SORCS2: variants seen among roughly 807,000 people sequenced by gnomAD.
SORCS2 encodes the protein VPS10 domain-containing receptor SorCS2.
A neutral mutation model predicts 141.6 loss-of-function variants in SORCS2; 100 were observed. That is an observed-to-expected ratio of 0.71 (90% CI 0.60 to 0.83). The LOEUF (loss-of-function observed/expected upper bound fraction) is 0.83. SORCS2 is among the 40% of genes least tolerant of loss of function. The probability of loss-of-function intolerance (pLI) is 0.00; values close to 1 mark genes in which losing one functional copy is unlikely to be tolerated. For synonymous variants in SORCS2, 789 were observed against 676.9 expected (o/e 1.17, Z -2.57); for missense variants, 1,646 against 1,560.2 (o/e 1.05, Z -0.93).
chr4:7,314,269 G>A (rs1421476435), intron 1 of SORCS2, among the ~76,000 whole-genome samples: 1 of 152,194 alleles, frequency 6.6e-6, no homozygotes, highest in Non-Finnish European at 1.5e-5. Context: ...GATGCGACAT[G>A]CAGGGCTCCG....
At chr4:7,724,877 ATGG>A (rs1454504612) in intron 19 of SORCS2, among the ~76,000 whole-genome samples, 1 of 93,322 alleles carries the variant, frequency 1.1e-5, no homozygotes, top group African/African-American at 4.8e-5. Context: ...GGTAGTGGTG[ATGG>A]TGGTGGTGTT....
Position 7,324,053 on chromosome 4 carries a change from C to T in SORCS2, c.481-72235C>T, listed in dbSNP as rs149367501. ...GGTCTCTCACAGGGATCTCCTGTTT[C>T]CCAGCCAGGGTCTTGCAGGCTTGGG... On this transcript the variant is annotated intron_variant, in intron 1 of 26. Coordinates refer to ENST00000507866, the MANE Select transcript of SORCS2 (RefSeq NM_020777.3). 2.2e-3 allele frequency among the ~76,000 whole-genome samples: 339 copies of T among 152,312 alleles called. 1 individual carries two copies. The highest frequency in any genetic ancestry group is 3.9e-3 in the South Asian group (19 of 4,824).
chr4:7,640,768 C>A (rs1018355172), intron 4 of SORCS2, among the ~76,000 whole-genome samples: 14 of 152,064 alleles, frequency 9.2e-5, no homozygotes, highest in Admixed American at 3.3e-4. Flanking sequence ...GTGTGGGCTC[C>A]ACAGTTGCAG....
rs1168972631 is a variant in SORCS2 at position 7,741,271 on chromosome 4, C to A, written c.*1007C>A. On this transcript the variant is annotated 3_prime_UTR_variant, in exon 27 of 27. Transcript: ENST00000507866. Reference sequence around the variant, plus strand: ...AGGGCTGGAAGGGCCATCAGCGTGACCCTCATTTTCAAGAAGGGGAAACTG... The same window carrying A: ...AGGGCTGGAAGGGCCATCAGCGTGAACCTCATTTTCAAGAAGGGGAAACTG... The A allele has an allele frequency of 1.0e-5, 4 of 398,784 alleles. No homozygotes were observed. The highest frequency in any genetic ancestry group is 1.8e-5 in the Non-Finnish European group (4 of 226,146). 24.7% of individuals were successfully genotyped at this position (398,784 alleles called of 1,614,324 possible). A position where few individuals can be genotyped will look rare whatever the true frequency, so the allele number is the denominator to read the frequency against.
At chr4:7,562,633 T>C (rs1560388433) in intron 3 of SORCS2, among the ~76,000 whole-genome samples, 1 of 152,330 alleles carries the variant, frequency 6.6e-6, no homozygotes, top group East Asian at 1.9e-4. Context: ...GCTGCCATAA[T>C]GAAGGACCAC....
chr4:7,415,762 G>A (rs1461101354), intron 2 of SORCS2, among the ~76,000 whole-genome samples: 3 of 152,232 alleles, frequency 2.0e-5, no homozygotes, highest in Non-Finnish European at 2.9e-5. Flanking sequence ...ATCGTTTCTC[G>A]ATAACCTAAT....
At chr4:7,419,704 G>A (rs57551858) in intron 2 of SORCS2, among the ~76,000 whole-genome samples, 75,581 of 151,626 alleles carry the variant, frequency 0.5, 19,121 homozygotes, top group Middle Eastern at 0.61. Context: ...TTGGCAAGCC[G>A]TCTCAGACAA....
At chr4:7,464,971 G>A (rs886882369) in intron 2 of SORCS2, among the ~76,000 whole-genome samples, 8 of 152,240 alleles carry the variant, frequency 5.3e-5, no homozygotes, top group Non-Finnish European at 1.0e-4. Context: ...CTGAGGCCAC[G>A]TGGTGTCCTG....
intron 1 of SORCS2, among the ~76,000 whole-genome samples, chr4:7,356,069 T>G (rs536305578): frequency 6.6e-6 from 1 of 152,364 alleles, no homozygotes; most frequent in Admixed American, 6.5e-5. Context: ...ACCAGCTGTT[T>G]GGAGCATTGT....
intron 2 of SORCS2, among the ~76,000 whole-genome samples, chr4:7,444,270 G>A (rs546265251): frequency 2.5e-4 from 38 of 152,292 alleles, no homozygotes; most frequent in African/African-American, 7.7e-4. Context: ...ATATTCTAGC[G>A]GAGGAAGCAG....
chr4:7,568,406 T>C (rs34861707), intron 3 of SORCS2, among the ~76,000 whole-genome samples: 43,671 of 152,098 alleles, frequency 0.29, 6,530 homozygotes, highest in African/African-American at 0.32. Flanking sequence ...AAAAGGAAAA[T>C]AGTGTTTTTC....
In SORCS2 at chr4:7,541,704, C is replaced by A. The variant is rs186497141; in HGVS notation, c.648+10075C>A. 7.2e-4 allele frequency among the ~76,000 whole-genome samples: 110 copies of A among 152,320 alleles called. 1 individual carries two copies. In the East Asian group the frequency reaches 0.018, roughly 25 times the overall value. Reference sequence around the variant, plus strand: ...CACCTTTTAAGCATCATGTTGCAGACCAGAGGCACAGCCAGGCTGAGAGGT... The same window carrying A: ...CACCTTTTAAGCATCATGTTGCAGAACAGAGGCACAGCCAGGCTGAGAGGT... On this transcript the variant is annotated intron_variant, in intron 3 of 26. Transcript: ENST00000507866.
intron 1 of SORCS2, among the ~76,000 whole-genome samples, chr4:7,244,997 A>T (rs897180023): frequency 2.6e-5 from 4 of 152,152 alleles, no homozygotes; most frequent in African/African-American, 9.7e-5. Flanking sequence ...GTAAGCCACC[A>T]TGGGAACCCA....
intron 1 of SORCS2, among the ~76,000 whole-genome samples, chr4:7,349,158 C>T (rs1320385900): frequency 4.6e-5 from 7 of 152,092 alleles, no homozygotes; most frequent in Non-Finnish European, 1.0e-4. Context: ...TTGGAGTGGG[C>T]GCTGTGTCTA....
chr4:7,473,303 G>A (rs1416973507), intron 2 of SORCS2, among the ~76,000 whole-genome samples: 1 of 152,136 alleles, frequency 6.6e-6, no homozygotes, highest in Non-Finnish European at 1.5e-5. Flanking sequence ...GGAGAGGAGA[G>A]GGAGATGGCG....
chr4:7,649,645 G>A (rs1387365876), intron 4 of SORCS2, among the ~76,000 whole-genome samples: 1 of 152,108 alleles, frequency 6.6e-6, no homozygotes, highest in African/African-American at 2.4e-5. Context: ...AAGGCCCTGG[G>A]CACTGGGCTT....
chr4:7,448,735 G>C, intron 2 of SORCS2, among the ~76,000 whole-genome samples: 1 of 59,140 alleles, frequency 1.7e-5, no homozygotes, highest in African/African-American at 7.4e-5. Context: ...CCTCCCTTCC[G>C]TACTTCCTCT....
In SORCS2 at chr4:7,676,089, G is replaced by C; in HGVS notation, c.1201G>C (p.Val401Leu). 1 of 1,589,842 alleles carries C rather than the reference G, an allele frequency of 6.3e-7. No individual in the cohort carries two copies. The highest frequency in any genetic ancestry group is 8.6e-7 in the Non-Finnish European group (1 of 1,167,022). ...IISTDESQVF[V>L]AVQEWYQMDT... ...CAGCACGGACGAGAGTCAGGTGTTC[G>C]TGGCGGTGCAGGAGTGGTACCAGAT... is the stretch of plus-strand genomic sequence containing the variant. The change falls in exon 9 of 27, where the codon GTG becomes CTG. Residue 401 changes from valine (V) to leucine (L), a missense_variant. By Grantham distance (32) the Val-to-Leu change is conservative (BLOSUM62 1). Transcript: ENST00000507866.
chr4:7,627,852 G>T (rs1183699402), intron 3 of SORCS2, among the ~76,000 whole-genome samples: 1 of 152,250 alleles, frequency 6.6e-6, no homozygotes, highest in Non-Finnish European at 1.5e-5. Flanking sequence ...GGAGGAAGGG[G>T]TTTGACACAA....
Sources: allele counts gnomAD v4.1 joint callset (sites outside exome capture counted in the v4.1 genomes callset), GRCh38; gene constraint gnomAD v4.1.1; transcripts MANE v1.5; gene names NCBI Gene and HGNC (gene_info 2026-07-23, HGNC 2026-07-21).